The following GLMN variants were observed in gnomAD, a reference collection of about 807,000 sequenced individuals.
GLMN encodes the protein glomulin.
A neutral mutation model predicts 87.8 loss-of-function variants in GLMN; 75 were observed. The ratio of observed to expected loss-of-function variants is 0.85; its 90% confidence interval spans 0.71 to 1.04. GLMN has a LOEUF of 1.04. Ranked by LOEUF, GLMN falls within the 50% of genes least tolerant of loss-of-function variation. The pLI is 0.00. For synonymous variants in GLMN, 206 were observed against 221.6 expected, an observed-to-expected ratio of 0.93 and a Z score of 0.63; for missense variants, 588 against 658.8, an observed-to-expected ratio of 0.89 and a Z score of 1.18.
intron 16 of GLMN, 87 bp from the exon 17 acceptor site, chr1:92,248,076 T>A: frequency 1.4e-6 from 1 of 729,766 alleles, no homozygotes; most frequent in South Asian, 1.5e-5. Flanking sequence ...AAAACAAAAA[T>A]AAATGAAACA....
At chr1:92,306,470 A>G in the GLMN span, among the ~76,000 whole-genome samples, 130 of 152,340 alleles carry the variant, frequency 8.5e-4, no homozygotes, top group Non-Finnish European at 1.7e-3. Flanking sequence ...TCAATTGTCT[A>G]TAAATGGTAA....
chr1:92,352,686 G>T, the GLMN span, among the ~76,000 whole-genome samples: 8 of 152,080 alleles, frequency 5.3e-5, no homozygotes, highest in Admixed American at 1.3e-4. Flanking sequence ...GTTTAAAGTT[G>T]AGATAAAATT....
At chr1:92,341,846 T>C in the GLMN span, among the ~76,000 whole-genome samples, 1 of 152,214 alleles carries the variant, frequency 6.6e-6, no homozygotes, top group Non-Finnish European at 1.5e-5. Flanking sequence ...GGTTTCACCA[T>C]GTTGGCCAAG....
chr1:92,275,287 A>ACT (rs1647201228), intron 7 of GLMN, among the ~76,000 whole-genome samples: 1 of 151,886 alleles, frequency 6.6e-6, no homozygotes, highest in Non-Finnish European at 1.5e-5. Context: ...AGTGGGTTTG[A>ACT]CTCCCCTCAA....
chr1:92,254,906 G>A (rs762595575), intron 16 of GLMN, among the ~76,000 whole-genome samples: 24 of 152,110 alleles, frequency 1.6e-4, no homozygotes, highest in Admixed American at 5.2e-4. Flanking sequence ...CACAGATAAC[G>A]ATATTAACTT....
intron 1 of GLMN, 26 bp downstream of exon 1, chr1:92,298,899 C>A: frequency 2.3e-6 from 1 of 432,534 alleles, no homozygotes; most frequent in Non-Finnish European, 4.1e-6. Context: ...CCTGGCCACC[C>A]TGAACCTCTC....
chr1:92,370,462 C>G, the GLMN span, among the ~76,000 whole-genome samples: 1 of 152,056 alleles, frequency 6.6e-6, no homozygotes, highest in East Asian at 1.9e-4. Context: ...CGTACCCCCC[C>G]ACCAAAAACA....
chr1:92,299,101 G>C (rs1650569216), upstream of GLMN: 1 of 1,520,962 alleles, frequency 6.6e-7, no homozygotes, highest in Non-Finnish European at 8.8e-7. Context: ...GCCGTCTTCT[G>C]CCGGCCGCAA....
the GLMN span, among the ~76,000 whole-genome samples, chr1:92,337,164 G>A: frequency 6.6e-6 from 1 of 152,002 alleles, no homozygotes; most frequent in African/African-American, 2.4e-5. Flanking sequence ...TAAACTTCTA[G>A]GGTGGAAGAA....
intron 17 of GLMN, among the ~76,000 whole-genome samples, chr1:92,247,480 T>G (rs149564712): frequency 7.2e-4 from 109 of 152,284 alleles, no homozygotes; most frequent in African/African-American, 2.4e-3. Context: ...ACCACAGATA[T>G]ACGGAAGAGA....
chr1:92,266,289 A>G lies in GLMN; in HGVS notation c.1214+130T>C. 7.1e-6 allele frequency: 5 copies of G among 701,584 alleles called. No individual in the cohort carries two copies. The South Asian group carries it at 7.6e-5, about 11-fold the overall frequency. 43.5% of individuals were successfully genotyped at this position (701,584 alleles called of 1,614,324 possible). A position where few individuals can be genotyped will look rare whatever the true frequency, so the allele number is the denominator to read the frequency against. On this transcript the variant is annotated intron_variant, in intron 13 of 18. Coordinates refer to ENST00000370360, the MANE Select transcript of GLMN (RefSeq NM_053274.3). Reference sequence around the variant, plus strand: ...CTCTAGCCATCACTGAGAATTTATAATATGGGTTCCAACCAGAGTTGAATT... The same window carrying G: ...CTCTAGCCATCACTGAGAATTTATAGTATGGGTTCCAACCAGAGTTGAATT...
chr1:92,339,470 T>TAAG, the GLMN span, among the ~76,000 whole-genome samples: 4 of 152,116 alleles, frequency 2.6e-5, no homozygotes, highest in South Asian at 8.3e-4. Context: ...ATGCAAAAAA[T>TAAG]AATAATAATA....
At chr1:92,289,539 G>A (rs1000774462) in intron 5 of GLMN, among the ~76,000 whole-genome samples, 4 of 152,142 alleles carry the variant, frequency 2.6e-5, no homozygotes, top group Non-Finnish European at 4.4e-5. Flanking sequence ...ATTACAGGTA[G>A]TATGAAGCTG....
At chr1:92,279,572 T>C (rs1647723814) in intron 7 of GLMN, among the ~76,000 whole-genome samples, 1 of 151,428 alleles carries the variant, frequency 6.6e-6, no homozygotes, top group Non-Finnish European at 1.5e-5. Flanking sequence ...CATTTCCAAC[T>C]GAGGTACCTG....
At chr1:92,246,717 A>G (rs1271014716) in intron 18 of GLMN, 71 bp from the exon 19 acceptor site, 17 of 822,538 alleles carry the variant, frequency 2.1e-5, no homozygotes, top group Non-Finnish European at 3.2e-5. Flanking sequence ...CACAGAAAAG[A>G]TTTCAGCTGG....
chr1:92,304,117 T>G, the GLMN span: 11 of 1,419,770 alleles, frequency 7.7e-6, no homozygotes, highest in Non-Finnish European at 9.8e-6. Flanking sequence ...TTTTATTATT[T>G]TCATTTAGCA....
chr1:92,291,345 C>G, intron 4 of GLMN, 73 bp downstream of exon 4: 1 of 1,334,664 alleles, frequency 7.5e-7, no homozygotes, highest in African/African-American at 1.4e-5. Context: ...TCTTACCAAA[C>G]AATAAACATT....
At chr1:92,301,440 C>G, upstream of GLMN, 1 of 1,108,994 alleles carries the variant, frequency 9.0e-7, no homozygotes, top group African/African-American at 1.6e-5. Flanking sequence ...GGACATGAAG[C>G]TTTTAAGTAG....
At chr1:92,292,175 T>C (rs1239338341) in intron 3 of GLMN, among the ~76,000 whole-genome samples, 1 of 152,216 alleles carries the variant, frequency 6.6e-6, no homozygotes. Flanking sequence ...TTACCAAGCC[T>C]ACACTATAAT....
Sources: gnomAD v4.1 joint callset for allele counts (sites outside exome capture counted in the v4.1 genomes callset) on GRCh38, gnomAD v4.1.1 for gene constraint, MANE v1.5 for transcripts, NCBI Gene and HGNC (gene_info 2026-07-23, HGNC 2026-07-21) for gene names.